The following SNX8 variants were observed in gnomAD, a reference collection of about 807,000 sequenced individuals.
The protein encoded by SNX8 is sorting nexin-8.
In SNX8, 25 loss-of-function variants were observed where a neutral mutation model predicts 51.6. That is an observed-to-expected ratio of 0.48 (90% CI 0.35 to 0.68). SNX8 has a LOEUF of 0.68. Among genes scored for constraint, SNX8 ranks in the 30% least tolerant of loss-of-function variants. SNX8 has a pLI of 0.00. For synonymous variants in SNX8, 324 were observed against 277.0 expected (o/e 1.17, Z -1.68); for missense variants, 695 against 624.0 (o/e 1.11, Z -1.21).
intron 1 of SNX8, among the ~76,000 whole-genome samples, chr7:2,350,293 G>A (rs1490744196): frequency 2.0e-5 from 3 of 152,128 alleles, no homozygotes; most frequent in Non-Finnish European, 4.4e-5. Flanking sequence ...GGTTAGTCTC[G>A]GCCCAGTCTC....
At chr7:2,348,051 T>C (rs186360535) in intron 1 of SNX8, among the ~76,000 whole-genome samples, 3 of 152,250 alleles carry the variant, frequency 2.0e-5, no homozygotes, top group Admixed American at 1.3e-4. Flanking sequence ...ACTGAGATAC[T>C]GAGAAACTTG....
At chr7:2,281,926 C>T (rs1334219685) in intron 1 of SNX8, among the ~76,000 whole-genome samples, 3 of 152,116 alleles carry the variant, frequency 2.0e-5, no homozygotes, top group African/African-American at 7.2e-5. Flanking sequence ...GAACGACAGC[C>T]CCTCCCCACT....
intron 5 of SNX8, among the ~76,000 whole-genome samples, chr7:2,266,622 G>A (rs973641446): frequency 1.3e-5 from 2 of 152,176 alleles, no homozygotes; most frequent in African/African-American, 4.8e-5. Context: ...TAGGATTACA[G>A]GCGTAAGCCA....
rs185224111 is a variant in SNX8 at position 2,326,527 on chromosome 7, G to T, written c.-66+27695C>A. On this transcript the variant is annotated intron_variant, in intron 1 of 5. Coordinates refer to the SNX8 transcript ENST00000435336. ...AAAAATACAAAAAAATTAGCCGGGC[G>T]TGGTGGCGGGAGTCTGTAGTCCCAG... Among the ~76,000 whole-genome samples, 1,297 of 151,618 alleles carry T rather than the reference G, an allele frequency of 8.6e-3. 16 individuals are homozygous for T. The highest frequency in any genetic ancestry group is 0.029 in the African/African-American group (1,216 of 41,308).
upstream of SNX8, among the ~76,000 whole-genome samples, chr7:2,318,683 G>T (rs1262717468): frequency 6.6e-6 from 1 of 151,086 alleles, no homozygotes; most frequent in African/African-American, 2.4e-5. Flanking sequence ...CGAAAACAGG[G>T]AGACTTTGTC....
intron 1 of SNX8, among the ~76,000 whole-genome samples, chr7:2,282,803 T>C (rs1419126473): frequency 3.3e-5 from 5 of 151,396 alleles, no homozygotes; most frequent in Non-Finnish European, 5.9e-5. Context: ...GTGGCGAAAT[T>C]CCATCTCTAC....
intron 1 of SNX8, among the ~76,000 whole-genome samples, chr7:2,348,907 T>C (rs1213284490): frequency 7.2e-6 from 1 of 138,620 alleles, no homozygotes; most frequent in African/African-American, 2.7e-5. Context: ...GCAGAGATTG[T>C]GCCACTGCAC....
At chr7:2,347,399 T>C (rs1779051627) in intron 1 of SNX8, among the ~76,000 whole-genome samples, 1 of 146,414 alleles carries the variant, frequency 6.8e-6, no homozygotes, top group Admixed American at 7.1e-5. Context: ...GAGAATCGCT[T>C]GAACCTAGGA....
At chr7:2,338,064 G>A (rs987355439) in intron 1 of SNX8, among the ~76,000 whole-genome samples, 14 of 151,726 alleles carry the variant, frequency 9.2e-5, no homozygotes, top group Non-Finnish European at 1.8e-4. Context: ...AGTGGCTCAC[G>A]CCTGTAATCC....
Position 2,276,942 on chromosome 7 carries a change from C to G in SNX8, c.300+1158G>C, listed in dbSNP as rs7791610. ...CCTGGTTGACAGAGCAATACCCTGT[C>G]TCTTTAAAAACAAGCAAACAAAAAG... is the stretch of plus-strand genomic sequence containing the variant. On this transcript the variant is annotated intron_variant, in intron 2 of 10. Transcript: ENST00000222990. 5.8e-3 allele frequency among the ~76,000 whole-genome samples: 885 copies of G among 152,312 alleles called. 8 individuals are homozygous for G. The highest frequency in any genetic ancestry group is 0.02 in the African/African-American group (822 of 41,570).
At position 2,264,282 on chromosome 7, in the gene SNX8, C is replaced by T; in HGVS notation, c.782+16G>A. 14 of 1,601,886 alleles carry T rather than the reference C, an allele frequency of 8.7e-6. No homozygotes were observed. The highest frequency in any genetic ancestry group is 1.2e-5 in the Non-Finnish European group (14 of 1,171,548). On this transcript the variant is annotated intron_variant, in intron 6 of 10. Coordinates refer to ENST00000222990, the MANE Select transcript of SNX8 (RefSeq NM_013321.4). ...CCCACCGCGCGTGCCCCTGCAGAAG[C>T]TGAAAGGTCACCTACCTTAGCTCCT...
In SNX8 at chr7:2,268,317, C is replaced by A. The variant is rs555500666; in HGVS notation, c.621+1242G>T. ...ACCCTCTGCCTGGCAACCACCCCGT[C>A]TGAGAAGTGAGGAGCCCCTCCGCCC... On this transcript the variant is annotated intron_variant, in intron 5 of 10. Transcript: ENST00000222990. Among the ~76,000 whole-genome samples the A allele has an allele frequency of 6.2e-4, 90 of 144,596 alleles. No individual in the cohort carries two copies. In the East Asian group the frequency reaches 0.018, roughly 29 times the overall value. The allele number at this position is 144,596 out of a possible 152,430, so 94.9% of individuals were successfully genotyped here. A position where few individuals can be genotyped will look rare whatever the true frequency, so the allele number is the denominator to read the frequency against.
chr7:2,274,192 G>A (rs1795720219), intron 3 of SNX8, among the ~76,000 whole-genome samples: 1 of 152,254 alleles, frequency 6.6e-6, no homozygotes, highest in South Asian at 2.1e-4. Flanking sequence ...GATCTGCTCT[G>A]TGGCCTTCAC....
At chr7:2,303,292 GC>G (rs1186225468) in intron 1 of SNX8, among the ~76,000 whole-genome samples, 1 of 142,626 alleles carries the variant, frequency 7.0e-6, no homozygotes, top group African/African-American at 2.6e-5. Context: ...GGGGGGGTCA[GC>G]CCCCCGCCCG....
At chr7:2,262,779 T>C (rs9639264) in intron 7 of SNX8, among the ~76,000 whole-genome samples, 139,299 of 152,274 alleles carry the variant, frequency 0.91, 63,986 homozygotes, top group Non-Finnish European at 0.96. Context: ...CAGATGTGGA[T>C]GGGCAGCTCC....
chr7:2,328,234 T>C (rs1562459371), intron 1 of SNX8, among the ~76,000 whole-genome samples: 2 of 152,070 alleles, frequency 1.3e-5, no homozygotes, highest in Admixed American at 6.6e-5. Flanking sequence ...CTGTTTTTAG[T>C]AGAGACAGGG....
intron 1 of SNX8, among the ~76,000 whole-genome samples, chr7:2,336,552 CAAA>C (rs981396468): frequency 6.0e-5 from 9 of 151,130 alleles, no homozygotes; most frequent in African/African-American, 2.2e-4. Context: ...ACTAAAAATA[CAAA>C]AAATTAGCTG....
Position 2,271,911 on chromosome 7 carries a change from G to C in SNX8, c.479C>G (p.Ala160Gly). ...RALKRFVNLVARHPLFSEDVV... is the reference protein window; with the variant it reads ...RALKRFVNLVGRHPLFSEDVV... The stretch of plus-strand genomic sequence containing the variant: ...ATCCTCGGAGAACAGGGGGTGTCGC[G>C]CCACCAGGTTGACGAAGCGCTTCAG... Residue 160 changes from alanine (A) to glycine (G), a missense_variant, in exon 4 of 11, where the codon GCG becomes GGG. Ala to Gly is a moderately conservative substitution (Grantham distance 60, BLOSUM62 0). Coordinates refer to ENST00000222990, the MANE Select transcript of SNX8 (RefSeq NM_013321.4). 6.2e-7 allele frequency: 1 copy of C among 1,613,984 alleles called. No individual in the cohort carries two copies. The highest frequency in any genetic ancestry group is 8.5e-7 in the Non-Finnish European group (1 of 1,179,976).
At chr7:2,353,266 C>G (rs1195053649) in intron 1 of SNX8, among the ~76,000 whole-genome samples, 6 of 152,110 alleles carry the variant, frequency 3.9e-5, no homozygotes, top group East Asian at 1.9e-4. Context: ...CGCTTGTAAT[C>G]CTGGCACTTT....
Sources: gnomAD v4.1 joint callset for allele counts (sites outside exome capture counted in the v4.1 genomes callset) on GRCh38, gnomAD v4.1.1 for gene constraint, MANE v1.5 for transcripts, NCBI Gene and HGNC (gene_info 2026-07-23, HGNC 2026-07-21) for gene names.